PSTPIP2: variants seen among roughly 807,000 people sequenced by gnomAD.
PSTPIP2 encodes the protein proline-serine-threonine phosphatase-interacting protein 2.
In PSTPIP2, 33 loss-of-function variants were observed where a neutral mutation model predicts 63.3. That is an observed-to-expected ratio of 0.52 (90% CI 0.40 to 0.70). The LOEUF is 0.70. Ranked by LOEUF, PSTPIP2 falls within the 30% of genes least tolerant of loss-of-function variation. The pLI is 0.00. For missense variants in PSTPIP2, 312 were observed against 400.7 expected (o/e 0.78, Z 1.89); for synonymous variants, 125 against 132.7 (o/e 0.94, Z 0.40).
intron 3 of PSTPIP2, among the ~76,000 whole-genome samples, chr18:46,020,688 C>T (rs1907314848): frequency 1.3e-5 from 2 of 152,106 alleles, no homozygotes; most frequent in South Asian, 2.1e-4. Context: ...AGAACATCTT[C>T]CTAAAGATCA....
chr18:45,992,435 G>A (rs538071614), intron 10 of PSTPIP2, among the ~76,000 whole-genome samples: 38 of 151,746 alleles, frequency 2.5e-4, no homozygotes, highest in African/African-American at 7.0e-4. Flanking sequence ...GGTGGCAGGC[G>A]CCTGTAATCC....
chr18:46,054,892 C>T (rs904767152), intron 1 of PSTPIP2, among the ~76,000 whole-genome samples: 3 of 151,832 alleles, frequency 2.0e-5, no homozygotes, highest in Non-Finnish European at 4.4e-5. Flanking sequence ...CTCCTGACCT[C>T]GTTATCCACC....
chr18:46,027,341 T>A (rs904819272), intron 2 of PSTPIP2, among the ~76,000 whole-genome samples: 5 of 113,252 alleles, frequency 4.4e-5, no homozygotes, highest in African/African-American at 5.8e-5. Flanking sequence ...AATAAATAAA[T>A]AAAAATATTA....
rs577449744 is a variant in PSTPIP2 at position 46,021,618 on chromosome 18, C to T, written c.212+2991G>A. 1.7e-4 allele frequency among the ~76,000 whole-genome samples: 26 copies of T among 151,454 alleles called. 1 individual carries two copies. The highest frequency in any genetic ancestry group is 5.3e-4 in the African/African-American group (22 of 41,422). On this transcript the variant is annotated intron_variant, in intron 3 of 14. Transcript: ENST00000409746. ...TCCATTCCCTGCCAGGGCCTACATACGATGATGCCTCTGTGACAATGATCA... is the reference window on the plus strand; with the variant it reads ...TCCATTCCCTGCCAGGGCCTACATATGATGATGCCTCTGTGACAATGATCA...
chr18:46,032,233 C>T (rs1907810097), intron 2 of PSTPIP2, among the ~76,000 whole-genome samples: 1 of 152,150 alleles, frequency 6.6e-6, no homozygotes, highest in South Asian at 2.1e-4. Context: ...TGCTCATAAT[C>T]TAGCAGAGGA....
intron 3 of PSTPIP2, among the ~76,000 whole-genome samples, chr18:46,019,555 C>A (rs1267680584): frequency 6.6e-6 from 1 of 152,148 alleles, no homozygotes; most frequent in Admixed American, 6.5e-5. Flanking sequence ...AATCCCAGCA[C>A]GTTGCGAGGC....
intron 14 of PSTPIP2, among the ~76,000 whole-genome samples, chr18:45,987,672 T>C (rs2051481740): frequency 6.6e-6 from 1 of 152,240 alleles, no homozygotes; most frequent in South Asian, 2.1e-4. Context: ...TGTGTACCTA[T>C]ATAATTCTTT....
At chr18:45,992,303 C>T (rs2051544455) in intron 10 of PSTPIP2, 101 bp from the exon 11 acceptor site, 1 of 973,468 alleles carries the variant, frequency 1.0e-6, no homozygotes, top group East Asian at 2.7e-5. Flanking sequence ...TGGCTCATGT[C>T]TGTAATCCCA....
chr18:46,011,384 G>C, intron 4 of PSTPIP2, 97 bp from the exon 5 acceptor site: 1 of 961,182 alleles, frequency 1.0e-6, no homozygotes, highest in Non-Finnish European at 1.6e-6. Flanking sequence ...CAAAATACTG[G>C]AGTAAGTGGT....
intron 1 of PSTPIP2, among the ~76,000 whole-genome samples, chr18:46,066,033 T>C (rs1046982839): frequency 6.6e-6 from 1 of 152,154 alleles, no homozygotes; most frequent in Non-Finnish European, 1.5e-5. Flanking sequence ...ATAACCTTAA[T>C]TTTATGTTAA....
Position 46,006,221 on chromosome 18 carries a change from T to G in PSTPIP2, c.355-690A>C, listed in dbSNP as rs990711357. ...AGCCTGCACCACCACACCTGGCTAA[T>G]TTTTGCACTTTTAGTAGAGATGGGG... On this transcript the variant is annotated intron_variant, in intron 5 of 14. Coordinates refer to ENST00000409746, the MANE Select transcript of PSTPIP2 (RefSeq NM_024430.4). Among the ~76,000 whole-genome samples, 5 of 152,070 alleles carry G rather than the reference T, an allele frequency of 3.3e-5. No individual in the cohort carries two copies. In the East Asian group the frequency reaches 9.7e-4, roughly 29 times the overall value.
intron 2 of PSTPIP2, among the ~76,000 whole-genome samples, chr18:46,036,557 G>A (rs1907986975): frequency 6.6e-6 from 1 of 152,210 alleles, no homozygotes; most frequent in Non-Finnish European, 1.5e-5. Context: ...GCAAGAATCT[G>A]CCCTGTGGGT....
At chr18:46,033,698 GA>G (rs35450100) in intron 2 of PSTPIP2, among the ~76,000 whole-genome samples, 43,573 of 102,818 alleles carry the variant, frequency 0.42, 7,470 homozygotes, top group East Asian at 0.62. Flanking sequence ...ACTCCATCTC[GA>G]AAAAAAAAAA....
chr18:46,063,733 A>G lies in PSTPIP2; in HGVS notation c.33+8423T>C, dbSNP rs78925694. ...AAACAAAACCATTTGTAAAAGAGGA[A>G]TTACAAGAAAATAACCAAATGTGCA... is the stretch of plus-strand genomic sequence containing the variant. On this transcript the variant is annotated intron_variant, in intron 1 of 14. Coordinates refer to ENST00000409746, the MANE Select transcript of PSTPIP2 (RefSeq NM_024430.4). Among the ~76,000 whole-genome samples, 562 of 152,338 alleles carry G rather than the reference A, an allele frequency of 3.7e-3. 5 individuals carry two copies. Among genetic ancestry groups the G allele is most frequent in the African/African-American group, 0.013 (538 of 41,580 alleles).
intron 2 of PSTPIP2, chr18:46,029,074 G>A: frequency 3.8e-6 from 3 of 797,612 alleles, no homozygotes; most frequent in Admixed American, 1.8e-5. Context: ...AAAATCCAGA[G>A]CACCTGTTTG....
rs1486676027 is a variant in PSTPIP2, at chr18:45,984,487, C to T, written c.*972G>A. The T allele has an allele frequency of 1.3e-5, 2 of 152,152 alleles. No homozygotes were observed. The highest frequency in any genetic ancestry group is 4.1e-4 in the South Asian group (2 of 4,828). 9.4% of individuals were successfully genotyped at this position (152,152 alleles called of 1,614,324 possible). A position where few individuals can be genotyped will look rare whatever the true frequency, so the allele number is the denominator to read the frequency against. Reference sequence around the variant, plus strand: ...CCAAAATTGAGGACTGGTTTTATAACTCTAAAATTATCTTGAGGAATGGAA... The same window carrying T: ...CCAAAATTGAGGACTGGTTTTATAATTCTAAAATTATCTTGAGGAATGGAA... On this transcript the variant is annotated 3_prime_UTR_variant, in exon 15 of 15. Transcript: ENST00000409746.
At position 46,019,604 on chromosome 18, in the gene PSTPIP2, C is replaced by T. The variant is rs554852851; in HGVS notation, c.213-3667G>A. On this transcript the variant is annotated intron_variant, in intron 3 of 14. Coordinates refer to ENST00000409746, the MANE Select transcript of PSTPIP2 (RefSeq NM_024430.4). ...TCATTTGAGGTCAGGAGTTCAAGAC[C>T]AGCCAGGCCAACATGGTGTAACCCC... Among the ~76,000 whole-genome samples, 3 of 152,260 alleles carry T rather than the reference C, an allele frequency of 2.0e-5. No individual in the cohort carries two copies. The East Asian group carries it at 5.8e-4, about 29-fold the overall frequency.
rs1907687711 is a variant in PSTPIP2 at position 46,028,826 on chromosome 18, A to G, written c.135-4140T>C. On this transcript the variant is annotated intron_variant, in intron 2 of 14. Coordinates refer to ENST00000409746, the MANE Select transcript of PSTPIP2 (RefSeq NM_024430.4). ...ACTAATAAGCTGAAAACAACTTCAG[A>G]TGATGAAAGTGAAGAGGATGAAGAT... The G allele has an allele frequency of 2.6e-6, 4 of 1,545,836 alleles. No individual in the cohort carries two copies. In the Admixed American group the frequency reaches 6.7e-5, roughly 26 times the overall value.
chr18:46,004,236 G>A (rs2051701174), intron 6 of PSTPIP2, among the ~76,000 whole-genome samples: 1 of 152,128 alleles, frequency 6.6e-6, no homozygotes, highest in South Asian at 2.1e-4. Context: ...CTGCATCAAG[G>A]AGAAAAAGAA....
Sources: gnomAD v4.1 joint callset for allele counts (sites outside exome capture counted in the v4.1 genomes callset) on GRCh38, gnomAD v4.1.1 for gene constraint, MANE v1.5 for transcripts, NCBI Gene and HGNC (gene_info 2026-07-23, HGNC 2026-07-21) for gene names.